The following CUX1 variants were observed in gnomAD, a reference collection of about 807,000 sequenced individuals.
CUX1 encodes the protein cut like homeobox 1, also known as protein CASP.
CUX1 carries 31 observed loss-of-function variants against 158.8 expected under a neutral mutation model. The ratio of observed to expected loss-of-function variants is 0.20; its 90% CI spans 0.15 to 0.26. The LOEUF is 0.26. CUX1 is among the 10% of genes least tolerant of loss of function. The pLI is 1.00. For missense variants in CUX1, 1,589 were observed against 2,014.6 expected (o/e 0.79, Z 4.04); for synonymous variants, 879 against 862.1 (o/e 1.02, Z -0.34).
At chr7:101,935,459 C>CAAGG (rs1806806104) in intron 2 of CUX1, among the ~76,000 whole-genome samples, 1 of 152,202 alleles carries the variant, frequency 6.6e-6, no homozygotes, top group South Asian at 2.1e-4. Flanking sequence ...CATGAATGGA[C>CAAGG]AAGGCCTGGC....
chr7:102,079,843 G>A (rs782545346), intron 4 of CUX1, among the ~76,000 whole-genome samples: 20 of 152,214 alleles, frequency 1.3e-4, no homozygotes, highest in Non-Finnish European at 2.8e-4. Flanking sequence ...TCCTGTCCAG[G>A]ATACAGGTCC....
rs183992806 is a variant in CUX1 at position 102,068,028 on chromosome 7, A to T, written c.190-2311A>T. On this transcript the variant is annotated intron_variant, in intron 3 of 23. Coordinates refer to ENST00000292535, the MANE Select transcript of CUX1 (RefSeq NM_181552.4). ...AGAGCGAGCCTCCATCTCAAAAAAA[A>T]GTCCTTGCATATTGTTCTGAGATTC... Among the ~76,000 whole-genome samples, 52 of 152,020 alleles carry T rather than the reference A, an allele frequency of 3.4e-4. 1 individual carries two copies. The highest frequency in any genetic ancestry group is 2.2e-3 in the Admixed American group (33 of 15,256).
intron 2 of CUX1, among the ~76,000 whole-genome samples, chr7:101,940,744 C>A (rs1807607024): frequency 6.6e-6 from 1 of 152,144 alleles, no homozygotes; most frequent in Non-Finnish European, 1.5e-5. Context: ...ATTGATCAGT[C>A]CACATCTGTT....
At chr7:102,277,174 T>C (rs1189037563) in intron 17 of CUX1, among the ~76,000 whole-genome samples, 1 of 151,992 alleles carries the variant, frequency 6.6e-6, no homozygotes, top group Non-Finnish European at 1.5e-5. Context: ...GGTGTGAGCC[T>C]ATAGTCCCAG....
rs1212077259 is a variant in CUX1, at chr7:102,196,772, C to T, written c.1361C>T (p.Ala454Val). ...AATGGTACACACCAGTTCTCACCAG[C>T]GGGGTTAAGTCAAGACTTTTTCAGC... ...NTNGTHQFSP[A>V]GLSQDFFSSS... The change falls in exon 15 of 24, where the codon GCG becomes GTG. Residue 454 changes from alanine to valine, a missense_variant. Coordinates refer to ENST00000292535, the MANE Select transcript of CUX1 (RefSeq NM_181552.4). 4 of 1,614,040 alleles carry T rather than the reference C, an allele frequency of 2.5e-6. No individual in the cohort carries two copies. The highest frequency in any genetic ancestry group is 2.2e-5 in the East Asian group (1 of 44,890).
At chr7:102,097,694 T>C (rs1266926331) in intron 5 of CUX1, among the ~76,000 whole-genome samples, 193 bp downstream of exon 5, 5 of 119,740 alleles carry the variant, frequency 4.2e-5, no homozygotes, top group African/African-American at 1.9e-4. Context: ...AGTAAAACTT[T>C]TCCTCTGCAC....
chr7:102,227,953 T>TTC lies in CUX1; in HGVS notation c.3433+285_3433+286insCT, dbSNP rs1173178759. Among the ~76,000 whole-genome samples, 1,292 of 142,222 alleles carry TTC rather than the reference T, an allele frequency of 9.1e-3. 18 individuals are homozygous for TTC. Among genetic ancestry groups the TTC allele is most frequent in the African/African-American group, 0.032 (1,234 of 38,776 alleles). 93.3% of individuals were successfully genotyped at this position (142,222 alleles called of 152,430 possible). A position where few individuals can be genotyped will look rare whatever the true frequency, so the allele number is the denominator to read the frequency against. On this transcript the variant is annotated intron_variant, in intron 21 of 23. Transcript: ENST00000292535. ...CACACAGACTGTCTCTTTTTTTTCT[T>TTC]TTTTTTTTTTTTTTTTTGAGACAGT...
chr7:101,988,219 AAAG>A lies in CUX1; in HGVS notation c.142-39869_142-39867del, dbSNP rs376598679. On this transcript the variant is annotated intron_variant, in intron 2 of 23. Transcript: ENST00000292535. ...GAGCGAGAATCTGTTTCAAAAAAAA[AAAG>A]AAGAAGAAGCTGTTCTCCGTGAGTC... 6.6e-4 allele frequency among the ~76,000 whole-genome samples: 100 copies of A among 151,876 alleles called. 1 individual carries two copies. Among genetic ancestry groups the A allele is most frequent in the African/African-American group, 2.0e-3 (83 of 41,458 alleles).
rs1801519342 is a variant in CUX1, at chr7:102,251,658, C to T, written c.*2616C>T. ...AGGTGCATTGAGAAGAGTGAGTTCA[C>T]ATCGGTGACCCTTAGGACAGTGAGT... is the stretch of plus-strand genomic sequence containing the variant. On this transcript the variant is annotated 3_prime_UTR_variant, in exon 24 of 24. Coordinates refer to ENST00000292535, the MANE Select transcript of CUX1 (RefSeq NM_181552.4). 1.0e-6 allele frequency: 1 copy of T among 985,442 alleles called. No homozygotes were observed. The highest frequency in any genetic ancestry group is 1.2e-6 in the Non-Finnish European group (1 of 829,936). 61.0% of individuals were successfully genotyped at this position (985,442 alleles called of 1,614,324 possible).
Position 102,254,491 on chromosome 7 carries a change from G to C in CUX1, c.*5449G>C. 1.0e-6 allele frequency: 1 copy of C among 985,512 alleles called. No individual in the cohort carries two copies. Among genetic ancestry groups the C allele is most frequent in the Non-Finnish European group, 1.2e-6 (1 of 829,972 alleles). 61.0% of individuals were successfully genotyped at this position (985,512 alleles called of 1,614,324 possible). ...CCTCTTATCCCAAAAGAATATGCCA[G>C]TTCCCATCCAGCACCGAAGAAAATC... On this transcript the variant is annotated 3_prime_UTR_variant, in exon 24 of 24. Transcript: ENST00000292535.
intron 1 of CUX1, among the ~76,000 whole-genome samples, chr7:101,888,834 C>T (rs528193902): frequency 2.0e-5 from 3 of 152,086 alleles, no homozygotes; most frequent in Non-Finnish European, 2.9e-5. Context: ...AAGTGATCCA[C>T]CTGCCTCGGC....
intron 8 of CUX1, among the ~76,000 whole-genome samples, chr7:102,155,123 G>A (rs1836124347): frequency 1.3e-5 from 2 of 152,188 alleles, no homozygotes; most frequent in Admixed American, 6.5e-5. Flanking sequence ...GAAACTTTTA[G>A]GGGTCTGAAA....
intron 2 of CUX1, among the ~76,000 whole-genome samples, chr7:101,936,202 C>T (rs762876600): frequency 2.1e-5 from 3 of 141,174 alleles, no homozygotes; most frequent in Non-Finnish European, 4.5e-5. Context: ...GGCATAGAGA[C>T]AGTGGGTTTT....
chr7:102,137,395 G>A (rs1834025846), intron 8 of CUX1, among the ~76,000 whole-genome samples: 1 of 152,180 alleles, frequency 6.6e-6, no homozygotes, highest in African/African-American at 2.4e-5. Flanking sequence ...CAGCGCTTTG[G>A]GAGGTTGAGG....
intron 10 of CUX1, among the ~76,000 whole-genome samples, chr7:102,173,243 C>T (rs1364301081): frequency 6.6e-6 from 1 of 151,984 alleles, no homozygotes; most frequent in Non-Finnish European, 1.5e-5. Flanking sequence ...GCCTATAATC[C>T]CAGCTACTCA....
At chr7:101,893,597 C>T (rs543894701) in intron 1 of CUX1, among the ~76,000 whole-genome samples, 2 of 152,190 alleles carry the variant, frequency 1.3e-5, no homozygotes, top group East Asian at 1.9e-4. Flanking sequence ...AAGACTCTAA[C>T]GTAGAGAAGT....
At chr7:102,024,363 G>C (rs1388656839) in intron 2 of CUX1, among the ~76,000 whole-genome samples, 5 of 152,120 alleles carry the variant, frequency 3.3e-5, no homozygotes, top group Admixed American at 3.3e-4. Flanking sequence ...GTCTCACTCT[G>C]TCACCCAGGC....
At chr7:102,116,580 G>A (rs1554491840) in intron 8 of CUX1, among the ~76,000 whole-genome samples, 1 of 152,118 alleles carries the variant, frequency 6.6e-6, no homozygotes, top group Admixed American at 6.5e-5. Context: ...AGGAGTTGAG[G>A]CTGCAGTGAG....
chr7:102,063,315 C>T (rs1825144709), intron 3 of CUX1, among the ~76,000 whole-genome samples: 1 of 151,480 alleles, frequency 6.6e-6, no homozygotes, highest in African/African-American at 2.4e-5. Flanking sequence ...TGGCTGTCAT[C>T]ATCTCACAGC....
Sources: allele counts gnomAD v4.1 joint callset (sites outside exome capture counted in the v4.1 genomes callset), GRCh38; gene constraint gnomAD v4.1.1; transcripts MANE v1.5; gene names NCBI Gene and HGNC (gene_info 2026-07-23, HGNC 2026-07-21).